Variants in PPP1R16B observed in about 807,000 individuals in gnomAD.
PPP1R16B encodes protein phosphatase 1 regulatory inhibitor subunit 16B.
Under a neutral mutation model 61.7 loss-of-function variants are expected in PPP1R16B, and 14 were observed. The ratio of observed to expected loss-of-function variants is 0.23; its 90% confidence interval spans 0.15 to 0.35. PPP1R16B has a LOEUF of 0.35. Among genes scored for constraint, PPP1R16B ranks in the 10% least tolerant of loss-of-function variants. The probability of loss-of-function intolerance (pLI) is 1.00; values close to 1 mark genes in which losing one functional copy is unlikely to be tolerated. For synonymous variants in PPP1R16B, 266 were observed against 305.3 expected (o/e 0.87, Z 1.34); for missense variants, 547 against 752.5 (o/e 0.73, Z 3.19).
chr20:38,870,509 C>G (rs566747698), intron 2 of PPP1R16B, among the ~76,000 whole-genome samples: 2 of 152,256 alleles, frequency 1.3e-5, no homozygotes, highest in African/African-American at 4.8e-5. Context: ...AGGATGAGAA[C>G]TGAGCCAGCC....
intron 1 of PPP1R16B, among the ~76,000 whole-genome samples, chr20:38,822,377 G>A (rs2084778413): frequency 6.6e-6 from 1 of 151,948 alleles, no homozygotes; most frequent in African/African-American, 2.4e-5. Context: ...GCACTGACTG[G>A]GCGCTTCCCG....
chr20:38,839,176 AC>A (rs2084892626), intron 2 of PPP1R16B, among the ~76,000 whole-genome samples: 1 of 152,100 alleles, frequency 6.6e-6, no homozygotes. Context: ...TGATCCGCCC[AC>A]CTTGGCCTCC....
At chr20:38,861,005 CT>C (rs2085046435) in intron 2 of PPP1R16B, among the ~76,000 whole-genome samples, 1 of 152,170 alleles carries the variant, frequency 6.6e-6, no homozygotes, top group Admixed American at 6.5e-5. Flanking sequence ...TAGTGCCCAT[CT>C]TCCCTGATTC....
intron 2 of PPP1R16B, among the ~76,000 whole-genome samples, chr20:38,879,213 C>T (rs1473054505): frequency 6.6e-6 from 1 of 152,008 alleles, no homozygotes; most frequent in Non-Finnish European, 1.5e-5. Context: ...AAGGGGGACC[C>T]TTGCCTTCAG....
intron 2 of PPP1R16B, among the ~76,000 whole-genome samples, chr20:38,849,903 A>G (rs531888261): frequency 1.3e-5 from 2 of 152,274 alleles, no homozygotes; most frequent in Non-Finnish European, 2.9e-5. Flanking sequence ...TTTGAGCCCA[A>G]TTATCTACCT....
chr20:38,906,254 T>C (rs1265663595), intron 7 of PPP1R16B, among the ~76,000 whole-genome samples, 160 bp downstream of exon 7: 1 of 151,014 alleles, frequency 6.6e-6, no homozygotes, highest in Non-Finnish European at 1.5e-5. Context: ...CTAGGGAGTT[T>C]GCAAAAAACA....
intron 2 of PPP1R16B, among the ~76,000 whole-genome samples, chr20:38,864,915 G>A (rs1279563248): frequency 6.6e-6 from 1 of 152,180 alleles, no homozygotes; most frequent in Non-Finnish European, 1.5e-5. Context: ...GCAGACTGCC[G>A]GTTTCCACTT....
intron 2 of PPP1R16B, among the ~76,000 whole-genome samples, chr20:38,888,928 C>CA (rs2085269291): frequency 2.0e-5 from 3 of 147,690 alleles, no homozygotes; most frequent in African/African-American, 5.0e-5. Flanking sequence ...CACACACACA[C>CA]CCCTAGACAA....
chr20:38,899,797 C>CT (rs144492616), intron 4 of PPP1R16B, among the ~76,000 whole-genome samples: 1,626 of 145,406 alleles, frequency 0.011, 35 homozygotes, highest in African/African-American at 0.038. Context: ...CTGTCTGAGT[C>CT]TTTTTTTTTT....
At position 38,805,733 on chromosome 20, in the gene PPP1R16B, C is replaced by T. The variant is rs1411413639; in HGVS notation, c.-161C>T. The T allele has an allele frequency of 6.6e-6, 1 of 152,244 alleles. No individual in the cohort carries two copies. Among genetic ancestry groups the T allele is most frequent in the Non-Finnish European group, 1.5e-5 (1 of 68,098 alleles). The allele number at this position is 152,244 out of a possible 1,614,324, so 9.4% of individuals were successfully genotyped here. ...TGTCGCCGCTGGAGCAGCTGCGGCT[C>T]GGGGACCCACAGACACAGCCGGGGT... On this transcript the variant is annotated 5_prime_UTR_variant, in exon 1 of 11. Coordinates refer to ENST00000299824, the MANE Select transcript of PPP1R16B (RefSeq NM_015568.4).
chr20:38,886,639 C>T (rs2085247342), intron 2 of PPP1R16B, among the ~76,000 whole-genome samples: 1 of 152,236 alleles, frequency 6.6e-6, no homozygotes, highest in South Asian at 2.1e-4. Context: ...CCTACATGGT[C>T]CTGAGGCTAA....
Position 38,833,074 on chromosome 20 carries a change from TG to T in PPP1R16B, c.-101-2749del, listed in dbSNP as rs1213705478. 2.0e-4 allele frequency among the ~76,000 whole-genome samples: 31 copies of T among 152,078 alleles called. 1 individual carries two copies. Among genetic ancestry groups the T allele is most frequent in the Admixed American group, 2.0e-3 (31 of 15,270 alleles). On this transcript the variant is annotated intron_variant, in intron 1 of 10. Coordinates refer to ENST00000299824, the MANE Select transcript of PPP1R16B (RefSeq NM_015568.4). ...ATGCAGATGTTCCTCAATAGGTAAA[TG>T]GTTAAACAAATTGGGGCCATCCATA...
chr20:38,918,325 A>G lies in PPP1R16B; in HGVS notation c.1363A>G (p.Met455Val), dbSNP rs1232847746. The G allele has an allele frequency of 8.7e-6, 14 of 1,614,104 alleles. No homozygotes were observed. The highest frequency in any genetic ancestry group is 4.5e-5 in the East Asian group (2 of 44,886). The change falls in exon 11 of 11, where the codon ATG becomes GTG. Residue 455 changes from methionine (M) to valine (V), a missense_variant. Physicochemically the swap from Met to Val is conservative, Grantham distance 21. Transcript: ENST00000299824. The surrounding 1 kb of genome is among the most constrained non-coding windows in gnomAD (Gnocchi z 5.3). ...WKVHEVPDYS[M>V]AYGNPGVADA... ...GGTGCATGAGGTGCCTGACTACAGC[A>G]TGGCCTATGGCAACCCTGGCGTGGC...
intron 4 of PPP1R16B, among the ~76,000 whole-genome samples, chr20:38,898,953 G>A (rs2085370831): frequency 6.6e-6 from 1 of 152,208 alleles, no homozygotes; most frequent in Admixed American, 6.5e-5. Flanking sequence ...CAGGGATGCA[G>A]AAGTCCTGGG....
Position 38,918,734 on chromosome 20 carries a change from C to T in PPP1R16B, c.*68C>T, listed in dbSNP as rs1168566234. ...TGGAATCCAGGCCAGCCCAACAGCC[C>T]TGGCTGGGGAGGTGTCAGGGCAGCT... On this transcript the variant is annotated 3_prime_UTR_variant, in exon 11 of 11. Coordinates refer to ENST00000299824, the MANE Select transcript of PPP1R16B (RefSeq NM_015568.4). This position sits in a 1 kb window ranked among gnomAD's most constrained non-coding sequence, Gnocchi z 5.3. The T allele has an allele frequency of 6.9e-6, 10 of 1,448,940 alleles. No individual in the cohort carries two copies. The African/African-American group carries it at 7.1e-5, about 10-fold the overall frequency. The allele number at this position is 1,448,940 out of a possible 1,614,324, so 89.8% of individuals were successfully genotyped here.
intron 10 of PPP1R16B, among the ~76,000 whole-genome samples, chr20:38,916,535 A>G (rs2085542865): frequency 6.6e-6 from 1 of 151,942 alleles, no homozygotes; most frequent in Non-Finnish European, 1.5e-5. Context: ...TGCCAATAGA[A>G]GTACTGGCCA....
rs369366296 is a variant in PPP1R16B at position 38,806,278 on chromosome 20, A to G, written c.-102+486A>G. The stretch of plus-strand genomic sequence containing the variant: ...GTGGCGGGGCTTGGTCCTGGCGGGC[A>G]GCGGCAGGGCGCAGAGAGCGCTCCT... On this transcript the variant is annotated intron_variant, in intron 1 of 10. Transcript: ENST00000299824. This position sits in a 1 kb window ranked among gnomAD's most constrained non-coding sequence, Gnocchi z 4.5. Among the ~76,000 whole-genome samples the G allele has an allele frequency of 1.2e-4, 18 of 152,078 alleles. No individual in the cohort carries two copies. The South Asian group carries it at 3.7e-3, about 31-fold the overall frequency.
chr20:38,904,950 A>C (rs1487061390), intron 6 of PPP1R16B, among the ~76,000 whole-genome samples: 2 of 152,170 alleles, frequency 1.3e-5, no homozygotes, highest in Non-Finnish European at 2.9e-5. Flanking sequence ...ACTCTCTAAG[A>C]ATGTGAATCC....
chr20:38,870,960 G>A (rs990859932), intron 2 of PPP1R16B, among the ~76,000 whole-genome samples: 1 of 152,150 alleles, frequency 6.6e-6, no homozygotes, highest in Middle Eastern at 3.2e-3. Flanking sequence ...CTGCAGTCCT[G>A]CAGTGATTCA....
Sources: allele counts gnomAD v4.1 joint callset (sites outside exome capture counted in the v4.1 genomes callset), GRCh38; gene constraint gnomAD v4.1.1; non-coding constraint Gnocchi (gnomAD v3.1); transcripts MANE v1.5; gene names NCBI Gene and HGNC (gene_info 2026-07-23, HGNC 2026-07-21).